Variants in SFXN5 observed in about 807,000 individuals in gnomAD.
The protein encoded by SFXN5 is sideroflexin 5, also known as sideroflexin-5.
A neutral mutation model predicts 50.2 loss-of-function variants in SFXN5; 43 were observed. The ratio of observed to expected loss-of-function variants is 0.86; its 90% CI spans 0.67 to 1.11. The LOEUF (loss-of-function observed/expected upper bound fraction) is 1.11, where lower values mean the gene tolerates loss of function less well. SFXN5 is among the 50% of genes least tolerant of loss of function. The pLI, the probability that SFXN5 is intolerant of heterozygous loss-of-function variation, is 0.00. For missense variants in SFXN5, 463 were observed against 454.1 expected, an observed-to-expected ratio of 1.02 and a Z score of -0.18; for synonymous variants, 203 against 185.8, an observed-to-expected ratio of 1.09 and a Z score of -0.75.
At chr2:72,993,967 A>T (rs1672912575) in intron 9 of SFXN5, among the ~76,000 whole-genome samples, 1 of 152,184 alleles carries the variant, frequency 6.6e-6, no homozygotes, top group Admixed American at 6.5e-5. Flanking sequence ...GAACCTCTCA[A>T]AAAATGTCTC....
rs1249891804 is a variant in SFXN5 at position 72,942,756 on chromosome 2, G to C, written c.*2266C>G. The C allele has an allele frequency of 6.6e-6, 1 of 152,230 alleles. No individual in the cohort carries two copies. Among genetic ancestry groups the C allele is most frequent in the East Asian group, 1.9e-4 (1 of 5,192 alleles). 9.4% of individuals were successfully genotyped at this position (152,230 alleles called of 1,614,324 possible). A position where few individuals can be genotyped will look rare whatever the true frequency, so the allele number is the denominator to read the frequency against. ...CTTGGCTCACCTGAAGCTGCATTTG[G>C]GAGCATGACGGAAATCATCCGGGAG... On this transcript the variant is annotated 3_prime_UTR_variant, in exon 14 of 14. Coordinates refer to ENST00000272433, the MANE Select transcript of SFXN5 (RefSeq NM_144579.3).
intron 6 of SFXN5, among the ~76,000 whole-genome samples, chr2:73,004,707 G>A (rs917772150): frequency 4.6e-5 from 7 of 152,168 alleles, no homozygotes; most frequent in Admixed American, 6.5e-5. Flanking sequence ...TGGAGCCTTA[G>A]GGGGCCATGT....
chr2:73,012,836 A>G (rs971512158), intron 6 of SFXN5, among the ~76,000 whole-genome samples: 1 of 152,116 alleles, frequency 6.6e-6, no homozygotes, highest in Non-Finnish European at 1.5e-5. Flanking sequence ...AGTAGAGTGA[A>G]ATTACATGCT....
intron 5 of SFXN5, among the ~76,000 whole-genome samples, 163 bp downstream of exon 5, chr2:73,022,359 C>T (rs754388426): frequency 1.5e-4 from 23 of 152,164 alleles, no homozygotes; most frequent in African/African-American, 2.9e-4. Context: ...GCCTGGCCAG[C>T]GCCTTGTACA....
chr2:73,056,553 C>T (rs1489043571), intron 2 of SFXN5, among the ~76,000 whole-genome samples: 4 of 151,592 alleles, frequency 2.6e-5, no homozygotes, highest in African/African-American at 7.3e-5. Context: ...GGCATGGTGG[C>T]GCACACCTGT....
chr2:73,026,489 T>C (rs996814679), intron 3 of SFXN5, among the ~76,000 whole-genome samples: 3 of 151,984 alleles, frequency 2.0e-5, no homozygotes, highest in African/African-American at 7.3e-5. Flanking sequence ...AAACCACATA[T>C]ACAATAGTGG....
rs752437751 is a variant in SFXN5 at position 72,992,354 on chromosome 2, CCAA to C, written c.535-4009_535-4007del. On this transcript the variant is annotated intron_variant, in intron 9 of 13. Transcript: ENST00000272433. This position sits in a 1 kb window ranked among gnomAD's most constrained non-coding sequence, Gnocchi z 4.5. ...CCTTAAGTACCAAGGGCTTTCCGGG[CCAA>C]CAACAGGCCAGCAAGGAGACACTGG... 3.3e-5 allele frequency among the ~76,000 whole-genome samples: 5 copies of C among 152,200 alleles called. No individual in the cohort carries two copies. Among genetic ancestry groups the C allele is most frequent in the Non-Finnish European group, 5.9e-5 (4 of 68,036 alleles).
At chr2:73,061,306 T>TGA (rs1559221004) in intron 1 of SFXN5, among the ~76,000 whole-genome samples, 1 of 118,140 alleles carries the variant, frequency 8.5e-6, no homozygotes, top group African/African-American at 3.4e-5. Flanking sequence ...AGACTCTGTC[T>TGA]CAAAAAAAAA....
intron 1 of SFXN5, chr2:73,059,157 C>T: frequency 1.0e-6 from 1 of 985,582 alleles, no homozygotes; most frequent in Non-Finnish European, 1.2e-6. Context: ...AGGGGCAGCT[C>T]CCCCAACCTT....
chr2:72,977,661 G>T (rs1322774871), intron 10 of SFXN5, among the ~76,000 whole-genome samples: 2 of 152,074 alleles, frequency 1.3e-5, no homozygotes, highest in African/African-American at 4.8e-5. Context: ...ATCCTTCCTG[G>T]TATATACATT....
At chr2:73,034,615 C>T (rs1390761735) in intron 3 of SFXN5, among the ~76,000 whole-genome samples, 1 of 152,128 alleles carries the variant, frequency 6.6e-6, no homozygotes, top group African/African-American at 2.4e-5. Context: ...GGTTCCCAAC[C>T]TCTGGGGAAT....
intron 2 of SFXN5, among the ~76,000 whole-genome samples, chr2:73,050,138 T>C (rs1420190297): frequency 1.3e-5 from 2 of 152,114 alleles, no homozygotes; most frequent in African/African-American, 2.4e-5. Context: ...CCCCATGGCT[T>C]TGCCAGACAG....
chr2:73,021,949 G>A (rs557807822), intron 5 of SFXN5, among the ~76,000 whole-genome samples: 54 of 152,288 alleles, frequency 3.5e-4, no homozygotes, highest in Middle Eastern at 3.4e-3. Context: ...GATTTCCTGG[G>A]GCAGGGATCT....
At chr2:73,016,938 T>G (rs1412312385) in intron 6 of SFXN5, among the ~76,000 whole-genome samples, 1 of 152,160 alleles carries the variant, frequency 6.6e-6, no homozygotes, top group Non-Finnish European at 1.5e-5. Flanking sequence ...CATTGTAGTA[T>G]GGGTTGTTTA....
chr2:73,059,103 G>A, intron 1 of SFXN5: 5 of 977,242 alleles, frequency 5.1e-6, no homozygotes, highest in Non-Finnish European at 6.0e-6. Flanking sequence ...CAATCCTCAG[G>A]CCCTCCTTCA....
chr2:73,047,255 T>TATATATATATATATATACACACAC (rs1156644862), intron 2 of SFXN5, among the ~76,000 whole-genome samples: 9 of 61,866 alleles, frequency 1.5e-4, no homozygotes, highest in South Asian at 5.6e-4. Flanking sequence ...AATATATATA[T>TATATATATATATATATACACACAC]ATATATATAT....
intron 3 of SFXN5, among the ~76,000 whole-genome samples, chr2:73,030,268 G>A (rs1388517487): frequency 6.6e-6 from 1 of 152,164 alleles, no homozygotes; most frequent in African/African-American, 2.4e-5. Context: ...CCTTAGGCTT[G>A]TCATATATTT....
At chr2:72,964,722 C>T (rs1301100691) in intron 12 of SFXN5, among the ~76,000 whole-genome samples, 1 of 152,200 alleles carries the variant, frequency 6.6e-6, no homozygotes. Context: ...TTTTCTTCTC[C>T]CCAGGGACCC....
At chr2:73,005,223 CAT>C (rs1474208221) in intron 6 of SFXN5, among the ~76,000 whole-genome samples, 1 of 152,196 alleles carries the variant, frequency 6.6e-6, no homozygotes, top group Non-Finnish European at 1.5e-5. Context: ...CCAAATCACA[CAT>C]CCTATCTCTG....
Sources: allele counts gnomAD v4.1 joint callset (sites outside exome capture counted in the v4.1 genomes callset), GRCh38; gene constraint gnomAD v4.1.1; non-coding constraint Gnocchi (gnomAD v3.1); transcripts MANE v1.5; gene names NCBI Gene and HGNC (gene_info 2026-07-23, HGNC 2026-07-21).